The following PTPRG variants were observed in gnomAD, a reference collection of about 807,000 sequenced individuals.
PTPRG encodes protein tyrosine phosphatase receptor type G, also known as receptor-type tyrosine-protein phosphatase gamma.
In PTPRG, 102 loss-of-function variants were observed where a neutral mutation model predicts 165.3. The ratio of observed to expected loss-of-function variants is 0.62; its 90% CI spans 0.53 to 0.73. PTPRG has a LOEUF of 0.73. Among genes scored for constraint, PTPRG ranks in the 30% least tolerant of loss-of-function variants. The probability of loss-of-function intolerance (pLI) is 0.00; values close to 1 mark genes in which losing one functional copy is unlikely to be tolerated. For missense variants in PTPRG, 1,866 were observed against 1,861.4 expected, an observed-to-expected ratio of 1.00 and a Z score of -0.05; for synonymous variants, 675 against 669.5, an observed-to-expected ratio of 1.01 and a Z score of -0.13.
At chr3:62,113,631 A>C (rs965151404) in intron 5 of PTPRG, among the ~76,000 whole-genome samples, 26 of 152,334 alleles carry the variant, frequency 1.7e-4, no homozygotes, top group African/African-American at 6.0e-4. Context: ...GTCAAGCAAC[A>C]TGAGGGACTA....
At chr3:61,920,584 C>T (rs939990035) in intron 2 of PTPRG, among the ~76,000 whole-genome samples, 6 of 151,984 alleles carry the variant, frequency 3.9e-5, no homozygotes, top group Non-Finnish European at 8.8e-5. Flanking sequence ...TTAGTTTAGA[C>T]GGGGTTTCAC....
chr3:62,273,150 A>G lies in PTPRG; in HGVS notation c.3318+69A>G. On this transcript the variant is annotated intron_variant, in intron 22 of 29. Transcript: ENST00000474889. This position sits in a 1 kb window ranked among gnomAD's most constrained non-coding sequence, Gnocchi z 4.1. ...CTGTAACTGAAATTTGTTAAATGAT[A>G]ATGAAGAGACAGATTCATTCTTTTA... 6.7e-7 allele frequency: 1 copy of G among 1,485,874 alleles called. No individual in the cohort carries two copies. Among genetic ancestry groups the G allele is most frequent in the Non-Finnish European group, 9.0e-7 (1 of 1,106,120 alleles). The allele number at this position is 1,485,874 out of a possible 1,614,324, so 92.0% of individuals were successfully genotyped here.
intron 2 of PTPRG, among the ~76,000 whole-genome samples, chr3:61,938,512 G>A (rs763847976): frequency 6.6e-6 from 1 of 152,116 alleles, no homozygotes; most frequent in African/African-American, 2.4e-5. Context: ...CAGTTGAGAG[G>A]GGAAATTGAT....
chr3:62,167,329 C>T (rs905562948), intron 7 of PTPRG, among the ~76,000 whole-genome samples: 1 of 152,094 alleles, frequency 6.6e-6, no homozygotes, highest in African/African-American at 2.4e-5. Context: ...GGCGACTTTG[C>T]CAAACTTGAT....
chr3:62,143,550 G>T lies in PTPRG; in HGVS notation c.682+10882G>T, dbSNP rs144149980. Among the ~76,000 whole-genome samples the T allele has an allele frequency of 2.5e-3, 371 of 149,336 alleles. No individual in the cohort carries two copies. The Middle Eastern group carries it at 0.041, about 17-fold the overall frequency. ...CTTGGAAAAATTTTAGTCTCATGAA[G>T]AATCTTTTTTTTTTTTTTTTAATTT... On this transcript the variant is annotated intron_variant, in intron 6 of 29. Transcript: ENST00000474889.
chr3:61,670,411 A>C (rs890041809), intron 1 of PTPRG, among the ~76,000 whole-genome samples: 1 of 152,226 alleles, frequency 6.6e-6, no homozygotes, highest in Non-Finnish European at 1.5e-5. Context: ...GTTACTCTTA[A>C]GAGCACCTTG....
intron 2 of PTPRG, among the ~76,000 whole-genome samples, chr3:61,838,907 A>C (rs990965608): frequency 6.6e-6 from 1 of 152,236 alleles, no homozygotes; most frequent in African/African-American, 2.4e-5. Context: ...GAGCTATATA[A>C]AATCTAAGCT....
intron 2 of PTPRG, among the ~76,000 whole-genome samples, chr3:61,780,043 C>G (rs1185154924): frequency 6.6e-6 from 1 of 152,162 alleles, no homozygotes; most frequent in East Asian, 1.9e-4. Context: ...CCTGGGAAAG[C>G]CAGACTAAGA....
intron 6 of PTPRG, among the ~76,000 whole-genome samples, chr3:62,137,933 G>A (rs576764883): frequency 2.0e-5 from 3 of 152,298 alleles, no homozygotes; most frequent in South Asian, 2.1e-4. Context: ...ACTGTAGAAT[G>A]GTTATCGCTG....
At chr3:61,563,766 G>A (rs776301999) in intron 1 of PTPRG, among the ~76,000 whole-genome samples, 8 of 151,998 alleles carry the variant, frequency 5.3e-5, no homozygotes, top group Non-Finnish European at 1.0e-4. Context: ...TAGTCCCGTC[G>A]TGCGACCCGG....
intron 5 of PTPRG, among the ~76,000 whole-genome samples, chr3:62,084,424 C>T (rs1000759166): frequency 3.3e-5 from 5 of 152,112 alleles, no homozygotes; most frequent in Non-Finnish European, 7.4e-5. Context: ...TGGTTTTTCC[C>T]TCAGGTCTGT....
At chr3:62,105,050 C>T (rs1702423578) in intron 5 of PTPRG, among the ~76,000 whole-genome samples, 1 of 126,688 alleles carries the variant, frequency 7.9e-6, no homozygotes, top group South Asian at 2.7e-4. Context: ...CAATATAGTT[C>T]AGGCAAGAAA....
At chr3:61,844,300 G>T (rs1442414868) in intron 2 of PTPRG, among the ~76,000 whole-genome samples, 1 of 152,102 alleles carries the variant, frequency 6.6e-6, no homozygotes, top group African/African-American at 2.4e-5. Context: ...ATTGCAAGTT[G>T]ACACTACTGA....
intron 2 of PTPRG, among the ~76,000 whole-genome samples, chr3:61,970,707 G>A (rs1022209403): frequency 5.3e-5 from 8 of 152,020 alleles, no homozygotes; most frequent in African/African-American, 1.9e-4. Context: ...AAAAATTCTA[G>A]GATCTAGATC....
chr3:61,923,365 C>T (rs762658785), intron 2 of PTPRG, among the ~76,000 whole-genome samples: 2 of 152,086 alleles, frequency 1.3e-5, no homozygotes, highest in Admixed American at 6.6e-5. Context: ...TCCGTGAAAT[C>T]GCCAGCGTTT....
At chr3:62,095,683 A>C (rs958216086) in intron 5 of PTPRG, among the ~76,000 whole-genome samples, 1 of 152,170 alleles carries the variant, frequency 6.6e-6, no homozygotes, top group African/African-American at 2.4e-5. Context: ...ATGATTCAAC[A>C]TGTGTGAGGT....
chr3:62,211,832 G>A (rs1209242115), intron 12 of PTPRG, among the ~76,000 whole-genome samples: 1 of 152,184 alleles, frequency 6.6e-6, no homozygotes, highest in Non-Finnish European at 1.5e-5. Context: ...TATTGCTGCC[G>A]GTAGCATTTA....
intron 2 of PTPRG, among the ~76,000 whole-genome samples, chr3:61,953,658 T>C (rs1451189417): frequency 6.6e-6 from 1 of 152,180 alleles, no homozygotes; most frequent in Non-Finnish European, 1.5e-5. Flanking sequence ...ACATAATTTC[T>C]AGCCCCAAGG....
chr3:61,966,144 A>G (rs1056220656), intron 2 of PTPRG, among the ~76,000 whole-genome samples: 1 of 152,218 alleles, frequency 6.6e-6, no homozygotes, highest in African/African-American at 2.4e-5. Flanking sequence ...ATATTGACTG[A>G]CATTTACATG....
Sources: allele counts gnomAD v4.1 joint callset (sites outside exome capture counted in the v4.1 genomes callset), GRCh38; gene constraint gnomAD v4.1.1; non-coding constraint Gnocchi (gnomAD v3.1); transcripts MANE v1.5; gene names NCBI Gene and HGNC (gene_info 2026-07-23, HGNC 2026-07-21).